SLC25A26: variants seen among roughly 807,000 people sequenced by gnomAD.
The protein encoded by SLC25A26 is solute carrier family 25 member 26.
A neutral mutation model predicts 37.8 loss-of-function variants in SLC25A26; 36 were observed. That is an observed-to-expected ratio of 0.95 (90% confidence interval 0.73 to 1.26). The LOEUF (loss-of-function observed/expected upper bound fraction) is 1.26, where lower values mean the gene tolerates loss of function less well. Among genes scored for constraint, SLC25A26 ranks in the 50% most tolerant of loss-of-function variants. The pLI is 0.00. For missense variants in SLC25A26, 390 were observed against 331.1 expected, an observed-to-expected ratio of 1.18 and a Z score of -1.38; for synonymous variants, 129 against 122.5, an observed-to-expected ratio of 1.05 and a Z score of -0.35.
In SLC25A26 at chr3:66,187,543, C is replaced by G. The variant is rs1263245992; in HGVS notation, c.-353-33199C>G. 3.9e-5 allele frequency among the ~76,000 whole-genome samples: 6 copies of G among 152,202 alleles called. No individual in the cohort carries two copies. In the South Asian group the frequency reaches 1.0e-3, roughly 26 times the overall value. On this transcript the variant is annotated intron_variant, in intron 1 of 10. Coordinates refer to the SLC25A26 transcript ENST00000676754. ...CCTGATATTCATGCTATCACCCTGA[C>G]TCTACCCTTACCCTGGCCCTGAACT...
intron 1 of SLC25A26, among the ~76,000 whole-genome samples, chr3:66,194,226 A>G (rs1217620237): frequency 6.6e-6 from 1 of 152,242 alleles, no homozygotes; most frequent in Non-Finnish European, 1.5e-5. Flanking sequence ...ACAATGAATT[A>G]TAAATATGTT....
At chr3:66,263,273 A>G (rs1267580745) in intron 4 of SLC25A26, 59 bp from the exon 5 acceptor site, 2 of 1,269,438 alleles carry the variant, frequency 1.6e-6, no homozygotes, top group African/African-American at 2.9e-5. Context: ...CTGTATACAG[A>G]ATGTCCTTCA....
intron 5 of SLC25A26, among the ~76,000 whole-genome samples, chr3:66,284,914 A>T (rs1243912375): frequency 1.3e-5 from 2 of 152,048 alleles, no homozygotes; most frequent in Non-Finnish European, 2.9e-5. Context: ...TTTTCAACAT[A>T]AAAGGATAGG....
chr3:66,186,329 C>T (rs1373961901), intron 1 of SLC25A26, among the ~76,000 whole-genome samples: 3 of 151,888 alleles, frequency 2.0e-5, no homozygotes, highest in South Asian at 4.2e-4. Context: ...GACTCTGAAT[C>T]TGACCCTCAA....
chr3:66,254,625 A>G (rs2073229938), intron 3 of SLC25A26, among the ~76,000 whole-genome samples: 1 of 152,260 alleles, frequency 6.6e-6, no homozygotes, highest in Admixed American at 6.5e-5. Context: ...AGATGTGTGT[A>G]AGTATGACAT....
intron 7 of SLC25A26, 140 bp from the exon 8 acceptor site, chr3:66,369,338 T>A: frequency 1.5e-6 from 1 of 670,334 alleles, no homozygotes. Flanking sequence ...GGATAAAGAT[T>A]GTGCATGTGT....
intron 5 of SLC25A26, among the ~76,000 whole-genome samples, chr3:66,307,579 A>G (rs1181117164): frequency 1.3e-5 from 2 of 152,202 alleles, no homozygotes; most frequent in East Asian, 1.9e-4. Context: ...GTCTTTGCCC[A>G]TGCCTACGTC....
At chr3:66,210,506 G>C (rs1385184595) in intron 1 of SLC25A26, among the ~76,000 whole-genome samples, 1 of 151,924 alleles carries the variant, frequency 6.6e-6, no homozygotes, top group Non-Finnish European at 1.5e-5. Context: ...TGAAGGTATG[G>C]ACAACTGTGA....
intron 3 of SLC25A26, among the ~76,000 whole-genome samples, chr3:66,260,206 T>C (rs1252204476): frequency 6.6e-6 from 1 of 151,660 alleles, no homozygotes; most frequent in Non-Finnish European, 1.5e-5. Context: ...CACCCCCCTT[T>C]TGGCCATGTT....
At chr3:66,327,260 G>T (rs936509185) in intron 5 of SLC25A26, among the ~76,000 whole-genome samples, 1 of 152,032 alleles carries the variant, frequency 6.6e-6, no homozygotes, top group African/African-American at 2.4e-5. Context: ...AAGAAAGGCC[G>T]TTAATATTCT....
At chr3:66,252,407 G>A (rs969355479) in intron 3 of SLC25A26, among the ~76,000 whole-genome samples, 3 of 152,230 alleles carry the variant, frequency 2.0e-5, no homozygotes, top group Non-Finnish European at 4.4e-5. Flanking sequence ...GAGTATTTGA[G>A]GATGTCTGTA....
chr3:66,204,374 C>T (rs1393690264), intron 1 of SLC25A26, among the ~76,000 whole-genome samples: 1 of 128,556 alleles, frequency 7.8e-6, no homozygotes, highest in Non-Finnish European at 1.6e-5. Context: ...TGCAGTGAGC[C>T]GAGATCGCGC....
At chr3:66,299,980 C>A (rs146028671) in intron 5 of SLC25A26, among the ~76,000 whole-genome samples, 6 of 152,144 alleles carry the variant, frequency 3.9e-5, no homozygotes, top group Non-Finnish European at 5.9e-5. Flanking sequence ...TTTGAGCCAT[C>A]TGGAACTTTA....
At chr3:66,166,961 C>G (rs1385609503) in intron 1 of SLC25A26, among the ~76,000 whole-genome samples, 1 of 151,884 alleles carries the variant, frequency 6.6e-6, no homozygotes, top group South Asian at 2.1e-4. Flanking sequence ...ATAAGTCTCA[C>G]GAGATCTGAT....
At chr3:66,289,086 A>G (rs1274419662) in intron 5 of SLC25A26, among the ~76,000 whole-genome samples, 1 of 152,152 alleles carries the variant, frequency 6.6e-6, no homozygotes, top group Non-Finnish European at 1.5e-5. Flanking sequence ...ATTGATGATG[A>G]GCATTTTTTC....
intron 3 of SLC25A26, among the ~76,000 whole-genome samples, chr3:66,251,789 T>C (rs1402390704): frequency 6.6e-6 from 1 of 152,238 alleles, no homozygotes; most frequent in Non-Finnish European, 1.5e-5. Context: ...TCTAACATAT[T>C]TCAGATTGTT....
At chr3:66,311,006 T>C (rs2075361097) in intron 5 of SLC25A26, among the ~76,000 whole-genome samples, 1 of 152,144 alleles carries the variant, frequency 6.6e-6, no homozygotes, top group South Asian at 2.1e-4. Flanking sequence ...TTAGTGGTGC[T>C]CTCTGTATTT....
At chr3:66,197,268 G>A (rs1436562480) in intron 1 of SLC25A26, among the ~76,000 whole-genome samples, 2 of 152,028 alleles carry the variant, frequency 1.3e-5, no homozygotes, top group African/African-American at 4.8e-5. Context: ...TCAGATTCAG[G>A]GTGAAGGTCA....
intron 5 of SLC25A26, among the ~76,000 whole-genome samples, chr3:66,301,637 A>G (rs1051895243): frequency 2.6e-5 from 4 of 152,244 alleles, no homozygotes; most frequent in African/African-American, 9.6e-5. Flanking sequence ...TTCCATTTCT[A>G]TACGTGTTTA....
Sources: gnomAD v4.1 joint callset for allele counts (sites outside exome capture counted in the v4.1 genomes callset) on GRCh38, gnomAD v4.1.1 for gene constraint, MANE v1.5 for transcripts, NCBI Gene and HGNC (gene_info 2026-07-23, HGNC 2026-07-21) for gene names.